ZFHX3: variants seen among roughly 807,000 people sequenced by gnomAD.
The protein encoded by ZFHX3 is zinc finger homeobox 3, also known as zinc finger homeobox protein 3.
ZFHX3 carries 42 observed loss-of-function variants against 279.1 expected under a neutral mutation model. The observed-to-expected ratio is 0.15, with a 90% confidence interval of 0.12 to 0.19. The LOEUF is 0.19. ZFHX3 is among the 10% of genes least tolerant of loss of function. The probability of loss-of-function intolerance (pLI) is 1.00; values close to 1 mark genes in which losing one functional copy is unlikely to be tolerated. For missense variants in ZFHX3, 4,981 were observed against 4,754.0 expected, an observed-to-expected ratio of 1.05 and a Z score of -1.40; for synonymous variants, 2,293 against 1,957.8, an observed-to-expected ratio of 1.17 and a Z score of -4.52.
chr16:73,123,727 C>T (rs2144810912), intron 7 of ZFHX3: 1 of 152,158 alleles, frequency 6.6e-6, no homozygotes, highest in East Asian at 1.9e-4. Flanking sequence ...AACCTAATCC[C>T]CAATTTAGGG....
At chr16:73,440,031 A>G (rs1292191391) in intron 3 of ZFHX3, among the ~76,000 whole-genome samples, 1 of 151,964 alleles carries the variant, frequency 6.6e-6, no homozygotes, top group African/African-American at 2.4e-5. Context: ...GTTAGCAGTC[A>G]AGTGCGTTGT....
rs770929473 is a variant in ZFHX3, at chr16:72,958,712, T to TTCTTCCTCCTCCTCCTCCGCC, written c.1413_1433dup (p.Ala472_Glu478dup). Reference sequence around the variant, plus strand: ...CCTCCTCCTCTTCTTCCTCCTCCTCTTCTTCCTCCTCCTCCTCCGCCTCTT... The same window carrying TTCTTCCTCCTCCTCCTCCGCC: ...CCTCCTCCTCTTCTTCCTCCTCCTCTTCTTCCTCCTCCTCCTCCGCCTCTTCCTCCTCCTCCTCCGCCTCTT... On this transcript the variant is annotated inframe_insertion, in exon 2 of 10. Coordinates refer to ENST00000268489, the MANE Select transcript of ZFHX3 (RefSeq NM_006885.4). The TTCTTCCTCCTCCTCCTCCGCC allele has an allele frequency of 1.8e-5, 29 of 1,611,832 alleles. 1 individual carries two copies. The highest frequency in any genetic ancestry group is 2.2e-5 in the Non-Finnish European group (26 of 1,178,720).
At chr16:73,793,230 T>C (rs917534629) in intron 1 of ZFHX3, among the ~76,000 whole-genome samples, 1 of 152,256 alleles carries the variant, frequency 6.6e-6, no homozygotes, top group Non-Finnish European at 1.5e-5. Context: ...GATGTGGCTT[T>C]GCTTCAGCAA....
intron 2 of ZFHX3, among the ~76,000 whole-genome samples, chr16:73,518,530 G>A (rs1435971307): frequency 6.6e-6 from 1 of 152,134 alleles, no homozygotes; most frequent in Non-Finnish European, 1.5e-5. Context: ...CCAAACCTCA[G>A]CAGAGAGGGA....
intron 3 of ZFHX3, among the ~76,000 whole-genome samples, chr16:73,428,434 A>T (rs1409843172): frequency 6.6e-6 from 1 of 152,150 alleles, no homozygotes; most frequent in East Asian, 1.9e-4. Flanking sequence ...ATTACCACAG[A>T]AGAAAACACC....
At chr16:73,336,205 C>G (rs1040203534) in intron 3 of ZFHX3, among the ~76,000 whole-genome samples, 2 of 152,166 alleles carry the variant, frequency 1.3e-5, no homozygotes, top group Admixed American at 6.5e-5. Context: ...TGCAAAGGCA[C>G]TGGGTGTTAA....
intron 1 of ZFHX3, among the ~76,000 whole-genome samples, chr16:73,775,002 C>G (rs1203257664): frequency 1.3e-5 from 2 of 152,080 alleles, no homozygotes; most frequent in Non-Finnish European, 2.9e-5. Flanking sequence ...CTCTTGGACT[C>G]TGCTAGCAGC....
At chr16:73,379,646 G>A (rs1291762738) in intron 3 of ZFHX3, among the ~76,000 whole-genome samples, 1 of 152,178 alleles carries the variant, frequency 6.6e-6, no homozygotes, top group African/African-American at 2.4e-5. Context: ...GAAAGGAAGA[G>A]GACCCTGCTG....
At chr16:73,223,401 G>A (rs185496504) in intron 5 of ZFHX3, among the ~76,000 whole-genome samples, 33 of 152,082 alleles carry the variant, frequency 2.2e-4, no homozygotes, top group Admixed American at 3.9e-4. Context: ...ATTAGAAAAC[G>A]GGCTAAAGAC....
intron 4 of ZFHX3, among the ~76,000 whole-genome samples, chr16:72,875,303 G>A (rs1037610059): frequency 3.3e-5 from 5 of 152,230 alleles, no homozygotes; most frequent in Non-Finnish European, 7.3e-5. Flanking sequence ...CAGAAACTGG[G>A]CTCTGGATCC....
At chr16:72,788,909 A>G in intron 9 of ZFHX3, 61 bp from the exon 10 acceptor site, 1 of 1,502,212 alleles carries the variant, frequency 6.7e-7, no homozygotes, top group Non-Finnish European at 8.9e-7. Context: ...CTGAAGCTCA[A>G]GACGTTTTAC....
intron 1 of ZFHX3, among the ~76,000 whole-genome samples, chr16:73,714,011 T>C (rs976790869): frequency 6.6e-6 from 1 of 152,130 alleles, no homozygotes; most frequent in African/African-American, 2.4e-5. Context: ...ACCAGCTTGA[T>C]GTATGATCCC....
intron 3 of ZFHX3, among the ~76,000 whole-genome samples, chr16:73,351,056 G>C (rs1007033218): frequency 1.3e-5 from 2 of 152,158 alleles, no homozygotes; most frequent in African/African-American, 4.8e-5. Flanking sequence ...GGCATTTGGC[G>C]TTAACTGTCC....
At chr16:73,425,663 C>T (rs537635166) in intron 3 of ZFHX3, among the ~76,000 whole-genome samples, 4 of 152,132 alleles carry the variant, frequency 2.6e-5, no homozygotes, top group African/African-American at 7.2e-5. Flanking sequence ...ATGGACCCCT[C>T]TCGTGTGTGA....
intron 3 of ZFHX3, among the ~76,000 whole-genome samples, chr16:73,445,298 A>ACGTATG (rs1567486470): frequency 1.1e-4 from 5 of 47,050 alleles, no homozygotes. Context: ...ATATATGTAT[A>ACGTATG]TGTATGTGTG....
chr16:73,061,877 T>C (rs186937654), upstream of ZFHX3: 8 of 152,326 alleles, frequency 5.3e-5, no homozygotes, highest in African/African-American at 1.7e-4. Context: ...CAGTATTTCC[T>C]TTAGTATAAG....
chr16:72,959,613 C>A lies in ZFHX3; in HGVS notation c.533G>T (p.Gly178Val), dbSNP rs1204117554. ...SLFLNSLPGA[G>V]GKQGDPSCAA... ...ACACGAAGGGTCCCCTTGCTTGCCCCCCGCGCCAGGGAGAGAGTTCAGGAA... is the reference window on the plus strand; with the variant it reads ...ACACGAAGGGTCCCCTTGCTTGCCCACCGCGCCAGGGAGAGAGTTCAGGAA... Residue 178 changes from glycine to valine, a missense_variant, in exon 2 of 10, where the codon GGG becomes GTG. By Grantham distance (109) the Gly-to-Val change is moderately radical (BLOSUM62 -3). Transcript: ENST00000268489. 2 of 1,614,148 alleles carry A rather than the reference C, an allele frequency of 1.2e-6. No individual in the cohort carries two copies. Among genetic ancestry groups the A allele is most frequent in the Middle Eastern group, 1.6e-4 (1 of 6,062 alleles).
chr16:73,564,120 T>C lies in ZFHX3; in HGVS notation c.-1546-107862A>G, dbSNP rs2020415806. On this transcript the variant is annotated intron_variant, in intron 2 of 17. Coordinates refer to the ZFHX3 transcript ENST00000641206. ...AAGGACTAGCGAGGGTGAGGGAGTG[T>C]TTGCTTCCTACCTGTCACAAGTCTC... 1.8e-4 allele frequency among the ~76,000 whole-genome samples: 27 copies of C among 152,164 alleles called. 1 individual carries two copies. Among genetic ancestry groups the C allele is most frequent in the Admixed American group, 1.6e-3 (25 of 15,276 alleles).
At chr16:73,506,635 A>T (rs1191889679) in intron 2 of ZFHX3, among the ~76,000 whole-genome samples, 2 of 152,122 alleles carry the variant, frequency 1.3e-5, no homozygotes, top group African/African-American at 4.8e-5. Context: ...TCTCTTAGTT[A>T]AGCCTTCACC....
Sources: allele counts gnomAD v4.1 joint callset (sites outside exome capture counted in the v4.1 genomes callset), GRCh38; gene constraint gnomAD v4.1.1; transcripts MANE v1.5; gene names NCBI Gene and HGNC (gene_info 2026-07-23, HGNC 2026-07-21).